The following KIF13A variants were observed in gnomAD, a reference collection of about 807,000 sequenced individuals.
KIF13A encodes kinesin-like protein KIF13A.
A neutral mutation model predicts 212.2 loss-of-function variants in KIF13A; 79 were observed. That is an observed-to-expected ratio of 0.37 (90% CI 0.31 to 0.45). The LOEUF (loss-of-function observed/expected upper bound fraction) is 0.45, where lower values mean the gene tolerates loss of function less well. KIF13A is among the 20% of genes least tolerant of loss of function. KIF13A has a pLI of 1.00. For missense variants in KIF13A, 1,901 were observed against 2,209.0 expected, an observed-to-expected ratio of 0.86 and a Z score of 2.79; for synonymous variants, 789 against 808.6, an observed-to-expected ratio of 0.98 and a Z score of 0.41.
intron 2 of KIF13A, among the ~76,000 whole-genome samples, chr6:17,920,748 C>T (rs1360938425): frequency 1.3e-5 from 2 of 151,898 alleles, no homozygotes; most frequent in African/African-American, 4.8e-5. Flanking sequence ...GGGGCGTGCA[C>T]CTGTAATCCC....
At chr6:17,833,296 C>T (rs146149915) in intron 12 of KIF13A, among the ~76,000 whole-genome samples, 338 of 151,096 alleles carry the variant, frequency 2.2e-3, no homozygotes, top group Middle Eastern at 3.5e-3. Flanking sequence ...GAGTTTGAGA[C>T]CAGCCCGGGC....
In KIF13A at chr6:17,872,739, C is replaced by G. The variant is rs1384709300; in HGVS notation, c.220+638G>C. Among the ~76,000 whole-genome samples the G allele has an allele frequency of 6.6e-6, 1 of 151,978 alleles. No individual in the cohort carries two copies. Among genetic ancestry groups the G allele is most frequent in the East Asian group, 1.9e-4 (1 of 5,182 alleles). ...CAACCTCTGCCTCCTGGGCTCAAGGCATTCTCCCGCCTCAGCCTCCCAAGT... is the reference window on the plus strand; with the variant it reads ...CAACCTCTGCCTCCTGGGCTCAAGGGATTCTCCCGCCTCAGCCTCCCAAGT... On this transcript the variant is annotated intron_variant, in intron 4 of 38. Transcript: ENST00000259711. The surrounding 1 kb of genome is among the most constrained non-coding windows in gnomAD (Gnocchi z 4.7).
In KIF13A at chr6:17,771,041, T is replaced by C; in HGVS notation, c.4581+73A>G. On this transcript the variant is annotated intron_variant, in intron 38 of 38. Transcript: ENST00000259711. This position sits in a 1 kb window ranked among gnomAD's most constrained non-coding sequence, Gnocchi z 5.4. ...ATACATGTCTTAATTTCTTCTAGCATTTGGATGATTGTCTGTGAAAGGGCC... is the reference window on the plus strand; with the variant it reads ...ATACATGTCTTAATTTCTTCTAGCACTTGGATGATTGTCTGTGAAAGGGCC... 1.1e-6 allele frequency: 1 copy of C among 943,146 alleles called. No individual in the cohort carries two copies. The highest frequency in any genetic ancestry group is 2.6e-5 in the East Asian group (1 of 38,378). 58.4% of individuals were successfully genotyped at this position (943,146 alleles called of 1,614,324 possible).
At chr6:17,864,626 G>A (rs1329466415) in intron 4 of KIF13A, among the ~76,000 whole-genome samples, 1 of 152,142 alleles carries the variant, frequency 6.6e-6, no homozygotes. Context: ...GAGTAGCTAG[G>A]ACTACAGGTG....
At position 17,764,136 on chromosome 6, in the gene KIF13A, C is replaced by T; in HGVS notation, c.5392G>A (p.Ala1798Thr). The T allele has an allele frequency of 6.2e-7, 1 of 1,613,986 alleles. No individual in the cohort carries two copies. The highest frequency in any genetic ancestry group is 1.3e-5 in the African/African-American group (1 of 75,062). ...ENDQVIIPEA[A>T]FWVLCCQ ...CATTGACAGCACAGAACCCAAAAGG[C>T]TGCCTCTGGAATTATTACCTGGTCA... Residue 1798 changes from alanine (A) to threonine (T), a missense_variant, in exon 39 of 39, where the codon GCC becomes ACC. Coordinates refer to ENST00000259711, the MANE Select transcript of KIF13A (RefSeq NM_022113.6). The surrounding 1 kb of genome is among the most constrained non-coding windows in gnomAD (Gnocchi z 5.1).
intron 2 of KIF13A, among the ~76,000 whole-genome samples, chr6:17,983,040 G>A (rs1781226673): frequency 6.6e-6 from 1 of 151,912 alleles, no homozygotes. Context: ...GGGCGTGGTG[G>A]TGGCCGCCTG....
chr6:17,843,784 G>A lies in KIF13A; in HGVS notation c.830+5593C>T, dbSNP rs924610905. Among the ~76,000 whole-genome samples, 4 of 152,144 alleles carry A rather than the reference G, an allele frequency of 2.6e-5. No individual in the cohort carries two copies. The highest frequency in any genetic ancestry group is 4.8e-5 in the African/African-American group (2 of 41,440). On this transcript the variant is annotated intron_variant, in intron 9 of 38. Coordinates refer to ENST00000259711, the MANE Select transcript of KIF13A (RefSeq NM_022113.6). The surrounding 1 kb of genome is among the most constrained non-coding windows in gnomAD (Gnocchi z 5.3). ...GTTGAGGCTGGGCACAGTGGCTCAC[G>A]CCTGTAATCCACCACTTTTGGAGGC...
At chr6:17,822,247 T>A (rs147900206) in intron 16 of KIF13A, among the ~76,000 whole-genome samples, 219 of 152,192 alleles carry the variant, frequency 1.4e-3, no homozygotes, top group Admixed American at 3.7e-3. Flanking sequence ...TTCACCATGT[T>A]GGCTAGGGTG....
chr6:17,952,205 G>C (rs1201434475), intron 2 of KIF13A, among the ~76,000 whole-genome samples: 3 of 151,348 alleles, frequency 2.0e-5, no homozygotes, highest in Non-Finnish European at 4.4e-5. Flanking sequence ...TCGGGAGGCT[G>C]AGGCAGGAAG....
At chr6:17,780,591 A>C in intron 31 of KIF13A, 139 bp downstream of exon 31, 1 of 755,060 alleles carries the variant, frequency 1.3e-6, no homozygotes, top group Non-Finnish European at 2.2e-6. Context: ...ACCTTGGATA[A>C]ATGAGAATCA....
Position 17,987,486 on chromosome 6 carries a change from C to T in KIF13A, c.-23G>A. On this transcript the variant is annotated 5_prime_UTR_variant, in exon 1 of 39. Transcript: ENST00000259711. The surrounding 1 kb of genome is among the most constrained non-coding windows in gnomAD (Gnocchi z 7.7). ...CATGTTGGCTGCGCTCGCCCGGCCG[C>T]TCGCCGCGCCCGCTCGGCCTTAGGC... The T allele has an allele frequency of 1.6e-6, 2 of 1,253,980 alleles. No homozygotes were observed. Among genetic ancestry groups the T allele is most frequent in the Non-Finnish European group, 2.1e-6 (2 of 964,632 alleles). 77.7% of individuals were successfully genotyped at this position (1,253,980 alleles called of 1,614,324 possible). A position where few individuals can be genotyped will look rare whatever the true frequency, so the allele number is the denominator to read the frequency against.
chr6:17,817,182 T>C lies in KIF13A; in HGVS notation c.1838A>G (p.Lys613Arg), dbSNP rs1338695019. The C allele has an allele frequency of 6.2e-7, 1 of 1,614,060 alleles. No individual in the cohort carries two copies. Among genetic ancestry groups the C allele is most frequent in the Admixed American group, 1.7e-5 (1 of 60,036 alleles). The stretch of plus-strand genomic sequence containing the variant: ...CCGCTGCTCCTCTAGGGCACTTCTC[T>C]TTTCTTCTAGGTATTGTTTCTCCAG... ...QVLEKQYLEEKRSALEEQRLM... is the reference protein window; with the variant it reads ...QVLEKQYLEERRSALEEQRLM... The change falls in exon 17 of 39, where the codon AAG becomes AGG. Residue 613 changes from lysine (K) to arginine (R), a missense_variant. Transcript: ENST00000259711.
At chr6:17,847,336 A>G (rs1345110924) in intron 9 of KIF13A, among the ~76,000 whole-genome samples, 4 of 152,200 alleles carry the variant, frequency 2.6e-5, no homozygotes, top group African/African-American at 9.6e-5. Context: ...CCAGTCTGGA[A>G]TCTTGCAATG....
At chr6:17,788,257 CA>C (rs1761226757) in intron 26 of KIF13A, among the ~76,000 whole-genome samples, 1 of 152,136 alleles carries the variant, frequency 6.6e-6, no homozygotes, top group Non-Finnish European at 1.5e-5. Context: ...CAAGTAACAA[CA>C]AATGGAATGG....
intron 2 of KIF13A, among the ~76,000 whole-genome samples, chr6:17,980,644 A>G (rs1229026374): frequency 1.3e-5 from 2 of 152,324 alleles, no homozygotes; most frequent in Non-Finnish European, 2.9e-5. Context: ...AAAGTAATTA[A>G]GTACACAGAA....
chr6:17,764,140 C>T lies in KIF13A; in HGVS notation c.5388G>A (p.Glu1796=). Residue 1796 remains glutamate (E), a synonymous_variant, in exon 39 of 39, where the codon GAG becomes GAA. Coordinates refer to ENST00000259711, the MANE Select transcript of KIF13A (RefSeq NM_022113.6). The surrounding 1 kb of genome is among the most constrained non-coding windows in gnomAD (Gnocchi z 5.1). ...GACAGCACAGAACCCAAAAGGCTGC[C>T]TCTGGAATTATTACCTGGTCATTCT... is the stretch of plus-strand genomic sequence containing the variant. ...KLENDQVIIP[E]AAFWVLCCQ 6.2e-7 allele frequency: 1 copy of T among 1,613,996 alleles called. No homozygotes were observed.
In KIF13A at chr6:17,794,593, T is replaced by C. The variant is rs1220178750; in HGVS notation, c.3054A>G (p.Gly1018=). ...ELHQAKDVNT[G]GIFQLRQGHS... ...GTACCTGTCTAAGTTGAAAGATGCC[T>C]CCTGTGTTGACATCTTTTGCCTGAT... The change falls in exon 24 of 39, where the codon GGA becomes GGG. Residue 1018 remains glycine, a synonymous_variant. Transcript: ENST00000259711. This position sits in a 1 kb window ranked among gnomAD's most constrained non-coding sequence, Gnocchi z 4.1. The C allele has an allele frequency of 1.9e-6, 3 of 1,611,476 alleles. No homozygotes were observed. The highest frequency in any genetic ancestry group is 2.5e-6 in the Non-Finnish European group (3 of 1,179,196).
Position 17,789,588 on chromosome 6 carries a change from G to C in KIF13A, c.3261+284C>G, listed in dbSNP as rs1272576047. Among the ~76,000 whole-genome samples the C allele has an allele frequency of 2.0e-5, 3 of 152,104 alleles. No individual in the cohort carries two copies. The highest frequency in any genetic ancestry group is 7.2e-5 in the African/African-American group (3 of 41,406). ...TTATTATTACTCAAATCAGTCTCCA[G>C]ATCATCCATTTTAATACAGTGATAA... On this transcript the variant is annotated intron_variant, in intron 26 of 38. Coordinates refer to ENST00000259711, the MANE Select transcript of KIF13A (RefSeq NM_022113.6). This position sits in a 1 kb window ranked among gnomAD's most constrained non-coding sequence, Gnocchi z 4.8.
At chr6:17,766,316 C>A (rs1047956834) in intron 38 of KIF13A, among the ~76,000 whole-genome samples, 1 of 150,854 alleles carries the variant, frequency 6.6e-6, no homozygotes, top group Non-Finnish European at 1.5e-5. Context: ...CTCGGCTCAC[C>A]GCAACCTCCA....
Sources: allele counts gnomAD v4.1 joint callset (sites outside exome capture counted in the v4.1 genomes callset), GRCh38; gene constraint gnomAD v4.1.1; non-coding constraint Gnocchi (gnomAD v3.1); transcripts MANE v1.5; gene names NCBI Gene and HGNC (gene_info 2026-07-23, HGNC 2026-07-21).